Variants in PHF24 observed in about 807,000 individuals in gnomAD.
PHF24 encodes the protein Galpha inhibitory interacting protein.
Under a neutral mutation model 42.6 loss-of-function variants are expected in PHF24, and 25 were observed. That is an observed-to-expected ratio of 0.59 (90% CI 0.43 to 0.82). The LOEUF is 0.82. Among genes scored for constraint, PHF24 ranks in the 40% least tolerant of loss-of-function variants. The probability of loss-of-function intolerance (pLI) is 0.00; values close to 1 mark genes in which losing one functional copy is unlikely to be tolerated. For synonymous variants in PHF24, 185 were observed against 204.8 expected (o/e 0.90, Z 0.83); for missense variants, 470 against 538.1 (o/e 0.87, Z 1.25).
At chr9:34,732,433 T>G in the PHF24 span, among the ~76,000 whole-genome samples, 4 of 152,344 alleles carry the variant, frequency 2.6e-5, no homozygotes, top group African/African-American at 9.6e-5. Context: ...TGACAAAAGA[T>G]CTTTTGTCCA....
intron 6 of PHF24, 131 bp downstream of exon 6, chr9:34,977,374 G>T: frequency 7.9e-7 from 1 of 1,264,940 alleles, no homozygotes; most frequent in Non-Finnish European, 1.1e-6. Flanking sequence ...TTAGGTAGAG[G>T]ATGGTGATGC....
chr9:34,837,399 AG>A, the PHF24 span: 1 of 426,036 alleles, frequency 2.3e-6, no homozygotes, highest in Non-Finnish European at 4.4e-6. Context: ...TGACTTCCAC[AG>A]GTTTTAAAAC....
chr9:34,847,528 C>A, the PHF24 span, among the ~76,000 whole-genome samples: 1 of 151,974 alleles, frequency 6.6e-6, no homozygotes, highest in Non-Finnish European at 1.5e-5. Flanking sequence ...TCTAGATATA[C>A]AATCATGTCA....
chr9:34,894,122 C>T, the PHF24 span, among the ~76,000 whole-genome samples: 1 of 152,150 alleles, frequency 6.6e-6, no homozygotes, highest in Admixed American at 6.5e-5. Context: ...ACGCAAAATC[C>T]ATTCCTCTTG....
At chr9:34,912,768 G>C in the PHF24 span, among the ~76,000 whole-genome samples, 1 of 152,094 alleles carries the variant, frequency 6.6e-6, no homozygotes, top group African/African-American at 2.4e-5. Flanking sequence ...AAATAGGCCC[G>C]GAGTCTCACA....
the PHF24 span, chr9:34,665,706 G>A: frequency 8.6e-6 from 6 of 700,564 alleles, no homozygotes; most frequent in Non-Finnish European, 1.3e-5. Flanking sequence ...ATTGAATCAG[G>A]GATTCCCTAG....
the PHF24 span, among the ~76,000 whole-genome samples, chr9:34,792,468 C>A: frequency 6.6e-6 from 1 of 152,088 alleles, no homozygotes; most frequent in Non-Finnish European, 1.5e-5. Context: ...GTCGGGAGTT[C>A]GAGACCAGCC....
the PHF24 span, among the ~76,000 whole-genome samples, chr9:34,772,855 A>T: frequency 6.6e-6 from 1 of 152,206 alleles, no homozygotes; most frequent in African/African-American, 2.4e-5. Flanking sequence ...TACAAATAGA[A>T]ATATGTAGAA....
intron 1 of PHF24, among the ~76,000 whole-genome samples, chr9:34,960,142 A>G (rs901047222): frequency 6.6e-6 from 1 of 152,218 alleles, no homozygotes; most frequent in African/African-American, 2.4e-5. Context: ...TTTGAGCTCC[A>G]AGGATGGATT....
chr9:34,843,756 G>A, the PHF24 span, among the ~76,000 whole-genome samples: 1 of 151,532 alleles, frequency 6.6e-6, no homozygotes, highest in African/African-American at 2.4e-5. Context: ...TATTTTTTTA[G>A]AGACAGTATC....
At chr9:34,679,187 C>T in the PHF24 span, among the ~76,000 whole-genome samples, 1 of 152,232 alleles carries the variant, frequency 6.6e-6, no homozygotes, top group Non-Finnish European at 1.5e-5. Context: ...GTGCCATTGT[C>T]TCTCACTTGG....
At chr9:34,823,520 C>T in the PHF24 span, among the ~76,000 whole-genome samples, 1 of 152,158 alleles carries the variant, frequency 6.6e-6, no homozygotes, top group Non-Finnish European at 1.5e-5. Context: ...AGTATAGACT[C>T]TAAGCCCCTA....
chr9:34,723,299 T>TAGCCCAGGGCTGAGGCAGAGCC, the PHF24 span: 2 of 1,539,938 alleles, frequency 1.3e-6, no homozygotes, highest in African/African-American at 2.7e-5. Flanking sequence ...GTGGCGGGGG[T>TAGCCCAGGGCTGAGGCAGAGCC]AGCCCAGGGC....
At chr9:34,918,034 C>T in the PHF24 span, 2 of 1,275,160 alleles carry the variant, frequency 1.6e-6, no homozygotes, top group South Asian at 2.4e-5. Flanking sequence ...CACATCTGTG[C>T]CTGTGATCCC....
the PHF24 span, among the ~76,000 whole-genome samples, chr9:34,932,994 T>C: frequency 6.7e-6 from 1 of 150,324 alleles, no homozygotes; most frequent in Non-Finnish European, 1.5e-5. Context: ...CTTTTTTTTT[T>C]TTTTTTTTTT....
At chr9:34,774,859 G>C in the PHF24 span, among the ~76,000 whole-genome samples, 89 of 152,264 alleles carry the variant, frequency 5.8e-4, no homozygotes, top group African/African-American at 2.0e-3. Flanking sequence ...CCAAACAACA[G>C]TGATTTGTAC....
the PHF24 span, among the ~76,000 whole-genome samples, chr9:34,764,843 A>G: frequency 6.6e-6 from 1 of 151,554 alleles, no homozygotes; most frequent in Non-Finnish European, 1.5e-5. Context: ...ATTTAGTGCT[A>G]TAAATTTCCC....
At chr9:34,765,296 G>A in the PHF24 span, among the ~76,000 whole-genome samples, 1 of 151,430 alleles carries the variant, frequency 6.6e-6, no homozygotes, top group Non-Finnish European at 1.5e-5. Context: ...TGTTGACAGT[G>A]GGGTGTTAAA....
the PHF24 span, among the ~76,000 whole-genome samples, chr9:34,942,364 T>G: frequency 1.1e-4 from 16 of 151,636 alleles, no homozygotes; most frequent in African/African-American, 3.9e-4. Context: ...AATTCATTTT[T>G]TACTTTGGAA....
Sources: allele counts gnomAD v4.1 joint callset (sites outside exome capture counted in the v4.1 genomes callset), GRCh38; gene constraint gnomAD v4.1.1; transcripts MANE v1.5; gene names NCBI Gene and HGNC (gene_info 2026-07-23, HGNC 2026-07-21).